IMMP1L: variants seen among roughly 807,000 people sequenced by gnomAD.
IMMP1L encodes inner mitochondrial membrane peptidase subunit 1.
Under a neutral mutation model 21.8 loss-of-function variants are expected in IMMP1L, and 24 were observed. The observed-to-expected ratio is 1.10, with a 90% CI of 0.80 to 1.55. The LOEUF (loss-of-function observed/expected upper bound fraction) is 1.55, where lower values mean the gene tolerates loss of function less well. Ranked by LOEUF, IMMP1L falls within the 40% of genes most tolerant of loss-of-function variation. IMMP1L has a pLI of 0.00. For synonymous variants in IMMP1L, 46 were observed against 62.8 expected (o/e 0.73, Z 1.26); for missense variants, 195 against 200.7 (o/e 0.97, Z 0.17).
chr11:31,467,915 ACAT>A (rs1315616765), intron 1 of IMMP1L, among the ~76,000 whole-genome samples: 1 of 152,108 alleles, frequency 6.6e-6, no homozygotes, highest in Non-Finnish European at 1.5e-5. Context: ...AATGACAAGT[ACAT>A]CATCATCTGT....
intron 4 of IMMP1L, among the ~76,000 whole-genome samples, chr11:31,434,477 A>G (rs1308925731): frequency 6.6e-6 from 1 of 152,128 alleles, no homozygotes; most frequent in Non-Finnish European, 1.5e-5. Context: ...TGAATTATTG[A>G]CCAGACCAAA....
chr11:31,435,602 T>C (rs539302059), intron 4 of IMMP1L, among the ~76,000 whole-genome samples: 76 of 152,352 alleles, frequency 5.0e-4, no homozygotes, highest in African/African-American at 1.8e-3. Context: ...CTTTGTCTTA[T>C]GAGTGAAGCT....
At chr11:31,508,130 C>T (rs968378905) in intron 1 of IMMP1L, among the ~76,000 whole-genome samples, 1 of 152,036 alleles carries the variant, frequency 6.6e-6, no homozygotes, top group Non-Finnish European at 1.5e-5. Context: ...ATGTAACAAA[C>T]CTGCACATGA....
intron 2 of IMMP1L, among the ~76,000 whole-genome samples, chr11:31,461,555 CAA>C (rs974950449): frequency 6.6e-6 from 1 of 152,136 alleles, no homozygotes; most frequent in Non-Finnish European, 1.5e-5. Flanking sequence ...CATGACACCA[CAA>C]ATGGTAAATT....
chr11:31,442,058 C>G (rs1299014769), intron 4 of IMMP1L, among the ~76,000 whole-genome samples: 1 of 152,128 alleles, frequency 6.6e-6, no homozygotes, highest in Non-Finnish European at 1.5e-5. Context: ...TTGCCCAAAC[C>G]TGAATTCTCC....
chr11:31,472,570 A>G (rs553161376), intron 1 of IMMP1L, among the ~76,000 whole-genome samples: 1 of 152,326 alleles, frequency 6.6e-6, no homozygotes, highest in Non-Finnish European at 1.5e-5. Flanking sequence ...AAAAATTCAG[A>G]ATCTGTTACT....
intron 3 of IMMP1L, among the ~76,000 whole-genome samples, chr11:31,459,195 A>C (rs1179154817): frequency 1.3e-5 from 2 of 152,240 alleles, no homozygotes; most frequent in Non-Finnish European, 2.9e-5. Context: ...AGCATGCCAA[A>C]CCATACAGGT....
Position 31,509,615 on chromosome 11 carries a change from C to T in IMMP1L, c.-126G>A. The T allele has an allele frequency of 1.5e-6, 1 of 687,626 alleles. No individual in the cohort carries two copies. Among genetic ancestry groups the T allele is most frequent in the Non-Finnish European group, 2.4e-6 (1 of 414,222 alleles). The allele number at this position is 687,626 out of a possible 1,614,324, so 42.6% of individuals were successfully genotyped here. Reference sequence around the variant, plus strand: ...AAGTCGACCGTCCTTTCGTAGGGCGCACTTTTCAGCAATACGCCTTCCGAT... The same window carrying T: ...AAGTCGACCGTCCTTTCGTAGGGCGTACTTTTCAGCAATACGCCTTCCGAT... On this transcript the variant is annotated 5_prime_UTR_variant, in exon 1 of 6. Coordinates refer to ENST00000532287, the MANE Select transcript of IMMP1L (RefSeq NM_001304274.2).
chr11:31,504,662 A>C (rs2133837887), intron 1 of IMMP1L, among the ~76,000 whole-genome samples: 1 of 152,342 alleles, frequency 6.6e-6, no homozygotes, highest in South Asian at 2.1e-4. Context: ...CTAACAGTAG[A>C]ACACATAATA....
At chr11:31,456,933 A>G (rs1953964358) in intron 3 of IMMP1L, among the ~76,000 whole-genome samples, 1 of 70,080 alleles carries the variant, frequency 1.4e-5, no homozygotes, top group Non-Finnish European at 2.6e-5. Flanking sequence ...AAACCAAGAA[A>G]AACCCCAAGT....
chr11:31,506,181 A>T (rs1221286527), intron 1 of IMMP1L, among the ~76,000 whole-genome samples: 2 of 150,472 alleles, frequency 1.3e-5, no homozygotes, highest in African/African-American at 2.4e-5. Flanking sequence ...AGAATTTAGT[A>T]TGTCCTTCAT....
chr11:31,500,262 C>T (rs540443257), intron 1 of IMMP1L, among the ~76,000 whole-genome samples: 1 of 151,906 alleles, frequency 6.6e-6, no homozygotes, highest in African/African-American at 2.4e-5. Flanking sequence ...CACTTATCAA[C>T]ATGAATAAAG....
rs141215201 is a variant in IMMP1L at position 31,455,388 on chromosome 11, A to C, written c.321+872T>G. On this transcript the variant is annotated intron_variant, in intron 4 of 5. Coordinates refer to ENST00000532287, the MANE Select transcript of IMMP1L (RefSeq NM_001304274.2). ...AGAAGAGTATATGCTGAGTAAACAA[A>C]AGGCCATCTCTTCCCCATAAGCTCT... Among the ~76,000 whole-genome samples the C allele has an allele frequency of 7.8e-3, 1,190 of 152,288 alleles. 6 individuals carry two copies. Among genetic ancestry groups the C allele is most frequent in the Middle Eastern group, 0.024 (7 of 294 alleles).
chr11:31,442,868 T>C (rs538694140), intron 4 of IMMP1L, among the ~76,000 whole-genome samples: 95 of 152,274 alleles, frequency 6.2e-4, no homozygotes, highest in African/African-American at 2.0e-3. Flanking sequence ...AAACGACTGA[T>C]AGAGCAACGA....
At chr11:31,460,526 T>C in intron 3 of IMMP1L, 100 bp downstream of exon 3, 1 of 656,716 alleles carries the variant, frequency 1.5e-6, no homozygotes, top group South Asian at 2.2e-5. Flanking sequence ...TGTTTATTTA[T>C]GAAAGAGGTT....
intron 4 of IMMP1L, among the ~76,000 whole-genome samples, chr11:31,441,474 A>G (rs1417180666): frequency 6.6e-6 from 1 of 152,158 alleles, no homozygotes; most frequent in Non-Finnish European, 1.5e-5. Context: ...GATGACTAAA[A>G]TATTACTCTA....
rs139510653 is a variant in IMMP1L, at chr11:31,447,519, T to C, written c.321+8741A>G. Among the ~76,000 whole-genome samples, 1,367 of 152,354 alleles carry C rather than the reference T, an allele frequency of 9.0e-3. 12 individuals carry two copies. The highest frequency in any genetic ancestry group is 0.027 in the South Asian group (129 of 4,830). Reference sequence around the variant, plus strand: ...CACAAAGTAGATGAGAATCTTAAGTTGCATCGAAGAATTTTAAATTACCTA... The same window carrying C: ...CACAAAGTAGATGAGAATCTTAAGTCGCATCGAAGAATTTTAAATTACCTA... On this transcript the variant is annotated intron_variant, in intron 4 of 5. Transcript: ENST00000532287.
intron 1 of IMMP1L, among the ~76,000 whole-genome samples, chr11:31,481,558 G>A (rs1012966285): frequency 2.0e-5 from 3 of 151,688 alleles, no homozygotes; most frequent in Non-Finnish European, 4.4e-5. Context: ...TAATCATGAA[G>A]TTAATAATAT....
intron 1 of IMMP1L, among the ~76,000 whole-genome samples, chr11:31,464,976 C>T (rs1248289814): frequency 6.6e-6 from 1 of 151,760 alleles, no homozygotes; most frequent in East Asian, 1.9e-4. Flanking sequence ...AAAGGGCATC[C>T]AAATTGAAAA....
Sources: allele counts gnomAD v4.1 joint callset (sites outside exome capture counted in the v4.1 genomes callset), GRCh38; gene constraint gnomAD v4.1.1; transcripts MANE v1.5; gene names NCBI Gene and HGNC (gene_info 2026-07-23, HGNC 2026-07-21).